The following ECT2L variants were observed in gnomAD, a reference collection of about 807,000 sequenced individuals.
ECT2L encodes epithelial cell-transforming sequence 2 oncogene-like.
In ECT2L, 126 loss-of-function variants were observed where a neutral mutation model predicts 122.8. The observed-to-expected ratio is 1.03, with a 90% CI of 0.89 to 1.19. ECT2L has a LOEUF of 1.19. Among genes scored for constraint, ECT2L ranks in the 50% most tolerant of loss-of-function variants. The probability of loss-of-function intolerance (pLI) is 0.00; values close to 1 mark genes in which losing one functional copy is unlikely to be tolerated. For missense variants in ECT2L, 1,012 were observed against 1,064.1 expected, an observed-to-expected ratio of 0.95 and a Z score of 0.68; for synonymous variants, 385 against 381.8, an observed-to-expected ratio of 1.01 and a Z score of -0.10.
chr6:138,814,348 C>G (rs186586453), intron 3 of ECT2L, 143 bp from the exon 4 acceptor site: 1 of 448,132 alleles, frequency 2.2e-6, no homozygotes, highest in African/African-American at 2.0e-5. Flanking sequence ...ACCTTTCTCT[C>G]TATATGTGAA....
At chr6:138,875,386 T>TA (rs1562486742) in intron 13 of ECT2L, among the ~76,000 whole-genome samples, 2 of 152,212 alleles carry the variant, frequency 1.3e-5, no homozygotes, top group Non-Finnish European at 2.9e-5. Flanking sequence ...AAAGGAGCCT[T>TA]GGTTACAAAT....
At chr6:138,821,343 C>A (rs1347896291) in intron 4 of ECT2L, among the ~76,000 whole-genome samples, 1 of 152,220 alleles carries the variant, frequency 6.6e-6, no homozygotes, top group South Asian at 2.1e-4. Flanking sequence ...AAGCTTCTTG[C>A]AGTGCTTCCG....
At chr6:138,843,375 C>T (rs1389551842) in intron 6 of ECT2L, 144 bp downstream of exon 6, 8 of 782,768 alleles carry the variant, frequency 1.0e-5, no homozygotes, top group African/African-American at 1.7e-5. Context: ...AGCTTTTTTC[C>T]GTACTGTATA....
intron 9 of ECT2L, among the ~76,000 whole-genome samples, chr6:138,850,077 T>C (rs888720252): frequency 4.6e-5 from 7 of 152,150 alleles, no homozygotes; most frequent in African/African-American, 1.4e-4. Context: ...TTCGACTTCA[T>C]TTCTATGAAT....
Position 138,814,694 on chromosome 6 carries a change from T to G in ECT2L, c.179+91T>G, listed in dbSNP as rs541972944. On this transcript the variant is annotated intron_variant, in intron 4 of 21. Transcript: ENST00000541398. ...TAACCTTTAAGAGATTTTTTGTTCCTAGGGAGAAAAAAAAACAAGGTAATT... is the reference window on the plus strand; with the variant it reads ...TAACCTTTAAGAGATTTTTTGTTCCGAGGGAGAAAAAAAAACAAGGTAATT... 3 of 751,316 alleles carry G rather than the reference T, an allele frequency of 4.0e-6. No individual in the cohort carries two copies. The East Asian group carries it at 8.5e-5, about 21-fold the overall frequency. The allele number at this position is 751,316 out of a possible 1,614,324, so 46.5% of individuals were successfully genotyped here. A position where few individuals can be genotyped will look rare whatever the true frequency, so the allele number is the denominator to read the frequency against.
At chr6:138,874,818 G>A (rs1377792979) in intron 13 of ECT2L, among the ~76,000 whole-genome samples, 1 of 152,106 alleles carries the variant, frequency 6.6e-6, no homozygotes, top group Non-Finnish European at 1.5e-5. Flanking sequence ...TACTGGCTGG[G>A]CACAGTGGCT....
chr6:138,816,951 T>C (rs1776089774), intron 4 of ECT2L, among the ~76,000 whole-genome samples: 1 of 152,302 alleles, frequency 6.6e-6, no homozygotes, highest in South Asian at 2.1e-4. Context: ...AACAGTAACT[T>C]CTCATCTCCA....
At chr6:138,845,300 C>T (rs558852240) in intron 7 of ECT2L, among the ~76,000 whole-genome samples, 6 of 149,142 alleles carry the variant, frequency 4.0e-5, no homozygotes, top group South Asian at 4.2e-4. Context: ...TAGAGTGCAG[C>T]GGCACAATCT....
At chr6:138,867,507 T>C (rs1272181896) in intron 12 of ECT2L, among the ~76,000 whole-genome samples, 1 of 151,884 alleles carries the variant, frequency 6.6e-6, no homozygotes, top group Non-Finnish European at 1.5e-5. Flanking sequence ...AGACCCCATC[T>C]CTACAAAAAG....
chr6:138,810,484 G>A (rs911332726), intron 1 of ECT2L, among the ~76,000 whole-genome samples: 2 of 152,174 alleles, frequency 1.3e-5, no homozygotes, highest in Admixed American at 1.3e-4. Flanking sequence ...TAACTTTAGA[G>A]AGAGAGAAAA....
At chr6:138,801,809 G>A (rs1775552425) in intron 1 of ECT2L, among the ~76,000 whole-genome samples, 1 of 152,054 alleles carries the variant, frequency 6.6e-6, no homozygotes, top group South Asian at 2.1e-4. Flanking sequence ...AAAATACTGA[G>A]TAAATATGGA....
intron 21 of ECT2L, 152 bp downstream of exon 21, chr6:138,901,272 A>C: frequency 1.2e-6 from 1 of 814,022 alleles, no homozygotes. Context: ...AACAATGTAA[A>C]CTTTCATCTA....
At chr6:138,895,572 TA>T (rs201421183) in intron 20 of ECT2L, among the ~76,000 whole-genome samples, 2 of 152,214 alleles carry the variant, frequency 1.3e-5, no homozygotes, top group Admixed American at 1.3e-4. Flanking sequence ...CATATATATA[TA>T]TATTTTTCTT....
intron 10 of ECT2L, among the ~76,000 whole-genome samples, chr6:138,858,492 AAGT>A (rs1448562600): frequency 6.6e-6 from 1 of 152,132 alleles, no homozygotes; most frequent in African/African-American, 2.4e-5. Flanking sequence ...TACATAATAA[AAGT>A]GTGCAATTGA....
At chr6:138,829,826 G>A (rs1269298917) in intron 4 of ECT2L, among the ~76,000 whole-genome samples, 2 of 151,702 alleles carry the variant, frequency 1.3e-5, no homozygotes, top group Non-Finnish European at 2.9e-5. Flanking sequence ...GGGTTCCAGC[G>A]ACTCTCCCAC....
chr6:138,836,765 T>C (rs1776855039), intron 4 of ECT2L, among the ~76,000 whole-genome samples: 1 of 152,138 alleles, frequency 6.6e-6, no homozygotes, highest in African/African-American at 2.4e-5. Flanking sequence ...CCTGTTTTAT[T>C]CAATAGGCTA....
intron 20 of ECT2L, among the ~76,000 whole-genome samples, chr6:138,898,724 G>T (rs1562499448): frequency 6.6e-6 from 1 of 152,080 alleles, no homozygotes; most frequent in African/African-American, 2.4e-5. Context: ...TTATAAATAT[G>T]AATTATAGCA....
chr6:138,863,327 C>T (rs1239506020), intron 11 of ECT2L, among the ~76,000 whole-genome samples: 1 of 152,194 alleles, frequency 6.6e-6, no homozygotes, highest in Non-Finnish European at 1.5e-5. Context: ...GAGAGTGATG[C>T]AGAAACTATA....
intron 4 of ECT2L, among the ~76,000 whole-genome samples, chr6:138,834,005 T>C (rs1195344004): frequency 1.3e-5 from 2 of 152,256 alleles, no homozygotes; most frequent in East Asian, 3.9e-4. Context: ...CAAGCTGTTC[T>C]CCTAGTCATT....
Sources: gnomAD v4.1 joint callset for allele counts (sites outside exome capture counted in the v4.1 genomes callset) on GRCh38, gnomAD v4.1.1 for gene constraint, MANE v1.5 for transcripts, NCBI Gene and HGNC (gene_info 2026-07-23, HGNC 2026-07-21) for gene names.